Variants in GSTA3 observed in about 807,000 individuals in gnomAD.
The protein encoded by GSTA3 is glutathione S-transferase alpha 3, also known as glutathione S-transferase A3.
GSTA3 carries 16 observed loss-of-function variants against 23.1 expected under a neutral mutation model. The ratio of observed to expected loss-of-function variants is 0.69; its 90% confidence interval spans 0.47 to 1.05. The LOEUF (loss-of-function observed/expected upper bound fraction) is 1.05. GSTA3 is among the 50% of genes least tolerant of loss of function. The pLI, the probability that GSTA3 is intolerant of heterozygous loss-of-function variation, is 0.00. For synonymous variants in GSTA3, 122 were observed against 91.0 expected (o/e 1.34, Z -1.94); for missense variants, 319 against 263.6 (o/e 1.21, Z -1.46).
At chr6:52,899,804 G>T in intron 5 of GSTA3, 130 bp downstream of exon 5, 5 of 842,664 alleles carry the variant, frequency 5.9e-6, no homozygotes, top group Non-Finnish European at 9.9e-6. Flanking sequence ...TGCCTTGAGA[G>T]TCAGAGAGCT....
At chr6:52,904,345 G>C (rs1581867754) in intron 2 of GSTA3, among the ~76,000 whole-genome samples, 1 of 152,116 alleles carries the variant, frequency 6.6e-6, no homozygotes, top group Non-Finnish European at 1.5e-5. Context: ...TGATTAGGGA[G>C]GGAACGTCAC....
At chr6:52,899,852 C>A in intron 5 of GSTA3, 82 bp downstream of exon 5, 1 of 1,283,754 alleles carries the variant, frequency 7.8e-7, no homozygotes, top group South Asian at 1.2e-5. Flanking sequence ...AAGTGAAGGT[C>A]AGTGCCCCAG....
chr6:52,907,298 G>A (rs1381458576), intron 1 of GSTA3, among the ~76,000 whole-genome samples: 2 of 120,232 alleles, frequency 1.7e-5, no homozygotes, highest in Non-Finnish European at 3.3e-5. Context: ...AGTTAGAATG[G>A]CAATCATTAA....
intron 4 of GSTA3, among the ~76,000 whole-genome samples, chr6:52,901,860 C>T (rs1022351644): frequency 1.3e-5 from 2 of 152,204 alleles, no homozygotes; most frequent in Admixed American, 6.5e-5. Context: ...TCTACTAGCC[C>T]TGCTCAAGTT....
chr6:52,901,201 C>T (rs903170593), intron 4 of GSTA3, among the ~76,000 whole-genome samples: 1 of 152,168 alleles, frequency 6.6e-6, no homozygotes. Flanking sequence ...CAGAATTCTG[C>T]AAATATCATC....
Position 52,900,148 on chromosome 6 carries a change from G to A in GSTA3, c.273-73C>T, listed in dbSNP as rs534784534. 39 of 1,307,362 alleles carry A rather than the reference G, an allele frequency of 3.0e-5. No homozygotes were observed. In the East Asian group the frequency reaches 8.2e-4, roughly 27 times the overall value. The allele number at this position is 1,307,362 out of a possible 1,614,324, so 81.0% of individuals were successfully genotyped here. On this transcript the variant is annotated intron_variant, in intron 4 of 6. Transcript: ENST00000211122. ...TTTGTAGGTTTATAAAAACCTAAGAGAATAGAGGGTCAGATGGTGGTAAGG... is the reference window on the plus strand; with the variant it reads ...TTTGTAGGTTTATAAAAACCTAAGAAAATAGAGGGTCAGATGGTGGTAAGG...
intron 5 of GSTA3, among the ~76,000 whole-genome samples, chr6:52,898,300 A>T (rs150910522): frequency 6.6e-6 from 1 of 152,212 alleles, no homozygotes; most frequent in African/African-American, 2.4e-5. Context: ...CTTGACATTC[A>T]GGATGTGGCT....
intron 6 of GSTA3, 38 bp downstream of exon 6, chr6:52,897,787 T>C: frequency 6.2e-7 from 1 of 1,609,136 alleles, no homozygotes; most frequent in Non-Finnish European, 8.5e-7. Flanking sequence ...AGATGGGACA[T>C]GTGGGGCTGT....
intron 2 of GSTA3, among the ~76,000 whole-genome samples, chr6:52,904,030 A>C (rs1459457619): frequency 6.6e-6 from 1 of 151,292 alleles, no homozygotes; most frequent in East Asian, 1.9e-4. Flanking sequence ...TTTGTCGCCC[A>C]GGCTTAAGTA....
intron 1 of GSTA3, among the ~76,000 whole-genome samples, chr6:52,906,355 A>G (rs1765889802): frequency 6.6e-6 from 1 of 152,240 alleles, no homozygotes; most frequent in African/African-American, 2.4e-5. Flanking sequence ...GTCTTCTGAC[A>G]TTCAGACTAG....
chr6:52,909,431 C>T (rs1169321836), intron 1 of GSTA3, among the ~76,000 whole-genome samples: 3 of 152,206 alleles, frequency 2.0e-5, no homozygotes, highest in Non-Finnish European at 4.4e-5. Context: ...TCATCAAATT[C>T]TTTGCCCTTG....
Position 52,896,802 on chromosome 6 carries a change from T to A in GSTA3, c.*4A>T. 1 of 1,613,970 alleles carries A rather than the reference T, an allele frequency of 6.2e-7. No individual in the cohort carries two copies. Among genetic ancestry groups the A allele is most frequent in the Non-Finnish European group, 8.5e-7 (1 of 1,179,866 alleles). ...GCATGTTCTTAGCCTCCATGGCTGC[T>A]TTATTAAAACCTGAAAATCTTTCTG... On this transcript the variant is annotated 3_prime_UTR_variant, in exon 7 of 7. Transcript: ENST00000211122.
At chr6:52,899,296 C>T (rs1228050717) in intron 5 of GSTA3, among the ~76,000 whole-genome samples, 1 of 152,094 alleles carries the variant, frequency 6.6e-6, no homozygotes, top group Admixed American at 6.5e-5. Flanking sequence ...TTTAGAACTC[C>T]TATCTAACAG....
chr6:52,909,370 T>C (rs1471733502), intron 1 of GSTA3, among the ~76,000 whole-genome samples: 3 of 152,232 alleles, frequency 2.0e-5, no homozygotes, highest in African/African-American at 7.2e-5. Flanking sequence ...GGCACTGATG[T>C]GGTTGTATTT....
chr6:52,900,280 T>G (rs1268371487), intron 4 of GSTA3, among the ~76,000 whole-genome samples: 2 of 148,566 alleles, frequency 1.3e-5, no homozygotes, highest in African/African-American at 5.1e-5. Context: ...TTTTTTTTTT[T>G]GAGATGGAGT....
At chr6:52,903,971 TTC>T (rs1403293755) in intron 2 of GSTA3, among the ~76,000 whole-genome samples, 2 of 152,074 alleles carry the variant, frequency 1.3e-5, no homozygotes, top group African/African-American at 4.8e-5. Flanking sequence ...CTGCTCAATC[TTC>T]TTTTTTATTT....
Position 52,896,896 on chromosome 6 carries a change from C to G in GSTA3, c.579G>C (p.Thr193=). Residue 193 remains threonine, a synonymous_variant, in exon 7 of 7, where the codon ACG becomes ACC. Coordinates refer to ENST00000211122, the MANE Select transcript of GSTA3 (RefSeq NM_000847.5). Reference sequence around the variant, plus strand: ...TGCCAGGCTGTAGAAACTTCTTCACCGTGGGCAGGTTGCTGATTCTGGTTT... The same window carrying G: ...TGCCAGGCTGTAGAAACTTCTTCACGGTGGGCAGGTTGCTGATTCTGGTTT... ...ALKTRISNLP[T]VKKFLQPGSP... is the part of the protein sequence containing the mutation. 6.2e-7 allele frequency: 1 copy of G among 1,613,972 alleles called. No homozygotes were observed. The highest frequency in any genetic ancestry group is 8.5e-7 in the Non-Finnish European group (1 of 1,179,908).
At chr6:52,904,506 C>T (rs1284481745) in intron 2 of GSTA3, among the ~76,000 whole-genome samples, 1 of 152,162 alleles carries the variant, frequency 6.6e-6, no homozygotes. Context: ...GTCCCAAGCC[C>T]TCGTGAAGCA....
intron 6 of GSTA3, among the ~76,000 whole-genome samples, chr6:52,897,180 A>G (rs569235921): frequency 3.1e-4 from 47 of 152,348 alleles, no homozygotes; most frequent in Non-Finnish European, 4.9e-4. Context: ...TTACATATCA[A>G]TCCTGTAGAT....
Sources: gnomAD v4.1 joint callset for allele counts (sites outside exome capture counted in the v4.1 genomes callset) on GRCh38, gnomAD v4.1.1 for gene constraint, MANE v1.5 for transcripts, NCBI Gene and HGNC (gene_info 2026-07-23, HGNC 2026-07-21) for gene names.